CCDC24: variants seen among roughly 807,000 people sequenced by gnomAD.
CCDC24 encodes the protein coiled-coil domain-containing protein 24.
A neutral mutation model predicts 31.6 loss-of-function variants in CCDC24; 34 were observed. The observed-to-expected ratio is 1.08, with a 90% CI of 0.82 to 1.43. The LOEUF is 1.43. Among genes scored for constraint, CCDC24 ranks in the 40% most tolerant of loss-of-function variants. CCDC24 has a pLI of 0.00. For synonymous variants in CCDC24, 175 were observed against 157.3 expected (o/e 1.11, Z -0.84); for missense variants, 426 against 391.1 (o/e 1.09, Z -0.75).
At position 43,995,210 on chromosome 1, in the gene CCDC24, GACTCTC is replaced by G; in HGVS notation, c.552+51_552+56del. On this transcript the variant is annotated intron_variant, in intron 6 of 8. Coordinates refer to ENST00000372318, the MANE Select transcript of CCDC24 (RefSeq NM_152499.4). This position sits in a 1 kb window ranked among gnomAD's most constrained non-coding sequence, Gnocchi z 4.3. ...CCCCCGAGCCTCACTGCTGAGCGTA[GACTCTC>G]ACCTGGGTGAGACCCATGTACCTGT... 1 of 1,531,972 alleles carries G rather than the reference GACTCTC, an allele frequency of 6.5e-7. No individual in the cohort carries two copies. The highest frequency in any genetic ancestry group is 8.8e-7 in the Non-Finnish European group (1 of 1,134,424). 94.9% of individuals were successfully genotyped at this position (1,531,972 alleles called of 1,614,324 possible). A position where few individuals can be genotyped will look rare whatever the true frequency, so the allele number is the denominator to read the frequency against.
In CCDC24 at chr1:43,995,900, C is replaced by T; in HGVS notation, c.702-38C>T. 1 of 1,613,828 alleles carries T rather than the reference C, an allele frequency of 6.2e-7. No individual in the cohort carries two copies. The highest frequency in any genetic ancestry group is 8.5e-7 in the Non-Finnish European group (1 of 1,179,708). On this transcript the variant is annotated intron_variant, in intron 8 of 8. Coordinates refer to ENST00000372318, the MANE Select transcript of CCDC24 (RefSeq NM_152499.4). The surrounding 1 kb of genome is among the most constrained non-coding windows in gnomAD (Gnocchi z 4.3). ...CACAGGGCAGGGTGGACTGAAGGAT[C>T]AGACCACCACCCCTCACAGTTACTC...
chr1:43,996,417 A>C lies in CCDC24; in HGVS notation c.*257A>C. On this transcript the variant is annotated 3_prime_UTR_variant, in exon 9 of 9. Transcript: ENST00000372318. ...TCCCAGGCCTCCACAAAGGCCTGGC[A>C]GACAGAGGTCTCATTCCAGCCTGAC... is the stretch of plus-strand genomic sequence containing the variant. The C allele has an allele frequency of 2.2e-6, 1 of 453,442 alleles. No homozygotes were observed. The highest frequency in any genetic ancestry group is 2.0e-5 in the African/African-American group (1 of 49,890). 28.1% of individuals were successfully genotyped at this position (453,442 alleles called of 1,614,324 possible).
At chr1:43,994,101 A>G in intron 5 of CCDC24, 137 bp downstream of exon 5, 1 of 751,650 alleles carries the variant, frequency 1.3e-6, no homozygotes, top group Non-Finnish European at 2.3e-6. Context: ...GAGAGGTGGA[A>G]AGAGCTGGCT....
Position 43,996,330 on chromosome 1 carries a change from T to C in CCDC24, c.*170T>C. ...TTGCCCCACCCCCTTGCCAGATCCC[T>C]GGTGTCTGGAGCTGAGTGGCCGGGC... is the stretch of plus-strand genomic sequence containing the variant. On this transcript the variant is annotated 3_prime_UTR_variant, in exon 9 of 9. Coordinates refer to ENST00000372318, the MANE Select transcript of CCDC24 (RefSeq NM_152499.4). 4.8e-6 allele frequency: 3 copies of C among 624,210 alleles called. No individual in the cohort carries two copies. The South Asian group carries it at 6.5e-5, about 14-fold the overall frequency. 38.7% of individuals were successfully genotyped at this position (624,210 alleles called of 1,614,324 possible). A position where few individuals can be genotyped will look rare whatever the true frequency, so the allele number is the denominator to read the frequency against.
At chr1:43,994,899 AG>A in intron 5 of CCDC24, 1 of 591,750 alleles carries the variant, frequency 1.7e-6, no homozygotes, top group South Asian at 2.0e-5. Context: ...GAGGCAGGCG[AG>A]GGGAAGATAC....
intron 4 of CCDC24, 129 bp from the exon 5 acceptor site, chr1:43,993,757 CA>C: frequency 1.2e-6 from 1 of 816,032 alleles, no homozygotes; most frequent in Non-Finnish European, 2.0e-6. Flanking sequence ...CCTAGGCTCC[CA>C]AACTCTTACT....
rs2085746877 is a variant in CCDC24, at chr1:43,991,743, A to C, written c.-36A>C. On this transcript the variant is annotated 5_prime_UTR_variant, in exon 1 of 9. Coordinates refer to ENST00000372318, the MANE Select transcript of CCDC24 (RefSeq NM_152499.4). ...CAGCCGAGGGGACCAGCGGCAGAGCACGGGTGGGGCTTGGGAGAGGGCGGG... is the reference window on the plus strand; with the variant it reads ...CAGCCGAGGGGACCAGCGGCAGAGCCCGGGTGGGGCTTGGGAGAGGGCGGG... 3 of 1,146,508 alleles carry C rather than the reference A, an allele frequency of 2.6e-6. No individual in the cohort carries two copies. Among genetic ancestry groups the C allele is most frequent in the Non-Finnish European group, 3.8e-6 (3 of 791,322 alleles). 71.0% of individuals were successfully genotyped at this position (1,146,508 alleles called of 1,614,324 possible).
rs776170921 is a variant in CCDC24, at chr1:43,995,023, G to A, written c.498-85G>A. ...ACAGGTTGGGTGGGGCTCCTGCTGA[G>A]GCTGGAGGTTGGGGCCATGTGGTGG... On this transcript the variant is annotated intron_variant, in intron 5 of 8. Transcript: ENST00000372318. This position sits in a 1 kb window ranked among gnomAD's most constrained non-coding sequence, Gnocchi z 4.3. 2 of 1,293,930 alleles carry A rather than the reference G, an allele frequency of 1.5e-6. No individual in the cohort carries two copies. Among genetic ancestry groups the A allele is most frequent in the Non-Finnish European group, 2.2e-6 (2 of 916,414 alleles). The allele number at this position is 1,293,930 out of a possible 1,614,324, so 80.2% of individuals were successfully genotyped here. A position where few individuals can be genotyped will look rare whatever the true frequency, so the allele number is the denominator to read the frequency against.
intron 4 of CCDC24, chr1:43,993,663 A>G (rs1005875950): frequency 4.1e-6 from 2 of 483,180 alleles, no homozygotes; most frequent in African/African-American, 3.9e-5. Flanking sequence ...AAAAAAAAAA[A>G]AGGAAAAGAA....
At chr1:43,992,456 C>T (rs1239056772) in intron 3 of CCDC24, 67 bp from the exon 4 acceptor site, 6 of 1,611,936 alleles carry the variant, frequency 3.7e-6, no homozygotes, top group Non-Finnish European at 5.1e-6. Flanking sequence ...AACAAGGAGC[C>T]AGGGTTGCCT....
chr1:43,991,944 C>T lies in CCDC24; in HGVS notation c.66C>T (p.Arg22=). 6.5e-7 allele frequency: 1 copy of T among 1,540,088 alleles called. No individual in the cohort carries two copies. Among genetic ancestry groups the T allele is most frequent in the Middle Eastern group, 1.9e-4 (1 of 5,314 alleles). ...VEEHVPLRER[R]EVKRILGEAA... ...AGCACGTTCCGCTCCGGGAGCGACG[C>T]GAAGTGAAGAGGATTCTGGGGGAGG... The change falls in exon 2 of 9, where the codon CGC becomes CGT. Residue 22 remains arginine, a synonymous_variant. Coordinates refer to ENST00000372318, the MANE Select transcript of CCDC24 (RefSeq NM_152499.4).
In CCDC24 at chr1:43,991,631, C is replaced by T. The variant is rs867200632; in HGVS notation, c.-148C>T. On this transcript the variant is annotated 5_prime_UTR_variant, in exon 1 of 9. Transcript: ENST00000372318. ...GGGCTAGGGCCCTGGTTCCCACTGC[C>T]TGGTTTCTGGGCCCCCGGCATCCGA... is the stretch of plus-strand genomic sequence containing the variant. The T allele has an allele frequency of 1.3e-5, 9 of 705,766 alleles. No homozygotes were observed. The highest frequency in any genetic ancestry group is 1.2e-4 in the African/African-American group (7 of 57,308). 43.7% of individuals were successfully genotyped at this position (705,766 alleles called of 1,614,324 possible).
intron 4 of CCDC24, 24 bp downstream of exon 4, chr1:43,992,663 G>C: frequency 1.3e-6 from 2 of 1,598,460 alleles, no homozygotes; most frequent in Non-Finnish European, 1.7e-6. Flanking sequence ...AGGAGAGAGG[G>C]ATCTGTCCCT....
At position 43,992,589 on chromosome 1, in the gene CCDC24, G is replaced by C. The variant is rs139084253; in HGVS notation, c.369G>C (p.Arg123Ser). Residue 123 changes from arginine to serine, a missense_variant, in exon 4 of 9, where the codon AGG (arginine) becomes AGC (serine). Physicochemically the swap from Arg to Ser is moderately radical, Grantham distance 110. Transcript: ENST00000372318. ...RVLHFALEEP[R>S]CDLPEQEIFQ... ...TGCACTTTGCCTTGGAGGAGCCCAGGTGTGATTTGCCAGAACAGGAGATAT... is the reference window on the plus strand; with the variant it reads ...TGCACTTTGCCTTGGAGGAGCCCAGCTGTGATTTGCCAGAACAGGAGATAT... 6.2e-7 allele frequency: 1 copy of C among 1,614,238 alleles called. No individual in the cohort carries two copies. Among genetic ancestry groups the C allele is most frequent in the Non-Finnish European group, 8.5e-7 (1 of 1,180,044 alleles).
intron 5 of CCDC24, chr1:43,994,720 C>A: frequency 4.4e-6 from 1 of 226,750 alleles, no homozygotes; most frequent in Non-Finnish European, 8.8e-6. Context: ...GGATTACAGG[C>A]ATGAGCCACC....
intron 4 of CCDC24, chr1:43,993,660 A>AAAAAGG (rs2085783057): frequency 2.0e-6 from 1 of 490,308 alleles, no homozygotes; most frequent in African/African-American, 1.9e-5. Context: ...AAAAAAAAAA[A>AAAAAGG]AAAAGGAAAA....
chr1:43,993,637 A>G (rs1247830131), intron 4 of CCDC24, among the ~76,000 whole-genome samples: 1 of 149,456 alleles, frequency 6.7e-6, no homozygotes, highest in African/African-American at 2.5e-5. Flanking sequence ...ACAGAGCACA[A>G]TCTTGTCTCA....
rs1254275940 is a variant in CCDC24 at position 43,992,276 on chromosome 1, T to C, written c.191T>C (p.Ile64Thr). The C allele has an allele frequency of 1.9e-6, 3 of 1,614,000 alleles. No homozygotes were observed. Among genetic ancestry groups the C allele is most frequent in the Non-Finnish European group, 1.7e-6 (2 of 1,179,968 alleles). ...TCTCAAGCCCCCAGCTCCCGCCCCATCTCTGACCCCTCTTCTCTTCTGGCA... is the reference window on the plus strand; with the variant it reads ...TCTCAAGCCCCCAGCTCCCGCCCCACCTCTGACCCCTCTTCTCTTCTGGCA... ...RSSQAPSSRP[I>T]SDPSSLLAPP... Residue 64 changes from isoleucine to threonine, a missense_variant, in exon 3 of 9, where the codon ATC becomes ACC. By Grantham distance (89) the Ile-to-Thr change is moderately conservative. Transcript: ENST00000372318.
In CCDC24 at chr1:43,996,071, C is replaced by T. The variant is rs1557659360; in HGVS notation, c.835C>T (p.His279Tyr). 2 of 1,614,000 alleles carry T rather than the reference C, an allele frequency of 1.2e-6. No individual in the cohort carries two copies. Among genetic ancestry groups the T allele is most frequent in the African/African-American group, 1.3e-5 (1 of 74,948 alleles). ...YLRPRGQSAT[H>Y]RWGRQLQCSP... ...TCGACCTCGAGGCCAGTCGGCTACC[C>T]ACCGCTGGGGACGGCAGCTTCAGTG... Residue 279 changes from histidine (H) to tyrosine (Y), a missense_variant, in exon 9 of 9, where the codon CAC becomes TAC. His to Tyr is a moderately conservative substitution (Grantham distance 83). Coordinates refer to ENST00000372318, the MANE Select transcript of CCDC24 (RefSeq NM_152499.4).
Sources: allele counts gnomAD v4.1 joint callset (sites outside exome capture counted in the v4.1 genomes callset), GRCh38; gene constraint gnomAD v4.1.1; non-coding constraint Gnocchi (gnomAD v3.1); transcripts MANE v1.5; gene names NCBI Gene and HGNC (gene_info 2026-07-23, HGNC 2026-07-21).